ZBTB41: variants seen among roughly 807,000 people sequenced by gnomAD.
ZBTB41 encodes the protein zinc finger and BTB domain containing 41.
In ZBTB41, 42 loss-of-function variants were observed where a neutral mutation model predicts 87.6. That is an observed-to-expected ratio of 0.48 (90% confidence interval 0.37 to 0.62). The LOEUF (loss-of-function observed/expected upper bound fraction) is 0.62, where lower values mean the gene tolerates loss of function less well. ZBTB41 is among the 20% of genes least tolerant of loss of function. The probability of loss-of-function intolerance (pLI) is 0.00; values close to 1 mark genes in which losing one functional copy is unlikely to be tolerated. For synonymous variants in ZBTB41, 364 were observed against 364.0 expected (o/e 1.00, Z 0.00); for missense variants, 799 against 1,078.9 (o/e 0.74, Z 3.63).
At chr1:197,189,957 C>T (rs1659986096) in intron 4 of ZBTB41, among the ~76,000 whole-genome samples, 3 of 152,098 alleles carry the variant, frequency 2.0e-5, no homozygotes, top group African/African-American at 2.4e-5. Flanking sequence ...CTGGCTCTGT[C>T]GCCCAGGCTG....
intron 5 of ZBTB41, among the ~76,000 whole-genome samples, chr1:197,182,517 TCCTC>T (rs1466900044): frequency 6.6e-6 from 1 of 152,002 alleles, no homozygotes; most frequent in Non-Finnish European, 1.5e-5. Context: ...GCTCAAGTGA[TCCTC>T]CCACCTGTCT....
intron 5 of ZBTB41, among the ~76,000 whole-genome samples, chr1:197,187,511 T>C (rs58937239): frequency 0.014 from 2,098 of 152,330 alleles, 44 homozygotes; most frequent in African/African-American, 0.048. Flanking sequence ...GATTACTTAA[T>C]ACTAATACAA....
chr1:197,173,167 G>T (rs985468674), intron 9 of ZBTB41, among the ~76,000 whole-genome samples: 1 of 152,024 alleles, frequency 6.6e-6, no homozygotes, highest in African/African-American at 2.4e-5. Context: ...TGAATACATG[G>T]CAAAATAATT....
chr1:197,160,978 T>C (rs1659187582), intron 10 of ZBTB41, among the ~76,000 whole-genome samples: 1 of 152,110 alleles, frequency 6.6e-6, no homozygotes, highest in South Asian at 2.1e-4. Context: ...CTGCGGCCAC[T>C]ATAAGATGTG....
chr1:197,157,247 T>A lies in ZBTB41; in HGVS notation c.*2112A>T, dbSNP rs951541781. On this transcript the variant is annotated 3_prime_UTR_variant, in exon 11 of 11. Coordinates refer to ENST00000367405, the MANE Select transcript of ZBTB41 (RefSeq NM_194314.3). ...TAAATACCTTCAAAAATCAAAGTAT[T>A]CTTTTCAATGTGAAAATGCAGTATC... 2 of 152,082 alleles carry A rather than the reference T, an allele frequency of 1.3e-5. No individual in the cohort carries two copies. Among genetic ancestry groups the A allele is most frequent in the African/African-American group, 4.8e-5 (2 of 41,402 alleles). The allele number at this position is 152,082 out of a possible 1,614,324, so 9.4% of individuals were successfully genotyped here.
chr1:197,178,636 A>T (rs1209328958), intron 6 of ZBTB41, 124 bp from the exon 7 acceptor site: 1 of 591,092 alleles, frequency 1.7e-6, no homozygotes, highest in Non-Finnish European at 2.7e-6. Flanking sequence ...CCTCTTTCTT[A>T]CAATAATTTT....
At chr1:197,167,874 C>G (rs1281112919) in intron 10 of ZBTB41, among the ~76,000 whole-genome samples, 1 of 151,790 alleles carries the variant, frequency 6.6e-6, no homozygotes, top group Non-Finnish European at 1.5e-5. Context: ...GAGATGTGAC[C>G]AAAGCAATAA....
intron 4 of ZBTB41, 92 bp from the exon 5 acceptor site, chr1:197,188,531 T>G: frequency 8.3e-7 from 1 of 1,199,594 alleles, no homozygotes; most frequent in Non-Finnish European, 1.1e-6. Context: ...ATAAATTCAA[T>G]AAAGAGACTT....
intron 2 of ZBTB41, among the ~76,000 whole-genome samples, chr1:197,195,663 A>G (rs1553232872): frequency 6.6e-6 from 1 of 152,162 alleles, no homozygotes; most frequent in Non-Finnish European, 1.5e-5. Context: ...CTAATGAAAG[A>G]TTTTAGTTCT....
At chr1:197,174,955 T>C (rs1225378311) in intron 9 of ZBTB41, 55 bp downstream of exon 9, 1 of 1,436,724 alleles carries the variant, frequency 7.0e-7, no homozygotes, top group Non-Finnish European at 9.6e-7. Context: ...AAGTTACAAC[T>C]TTCCTCAGAG....
intron 10 of ZBTB41, among the ~76,000 whole-genome samples, chr1:197,165,279 AT>A (rs1442658284): frequency 6.6e-6 from 1 of 151,982 alleles, no homozygotes; most frequent in Admixed American, 6.6e-5. Context: ...ATTAGAAAAT[AT>A]TTTTAACTGA....
Position 197,200,604 on chromosome 1 carries a change from A to T in ZBTB41, c.-117-14T>A. The T allele has an allele frequency of 5.1e-6, 4 of 778,208 alleles. No individual in the cohort carries two copies. The highest frequency in any genetic ancestry group is 5.7e-6 in the Non-Finnish European group (3 of 522,714). 48.2% of individuals were successfully genotyped at this position (778,208 alleles called of 1,614,324 possible). ...GGGTTTCATGGTCTGCAAAAGAGTG[A>T]GAACCACGTAAAATAACTCCATGGC... On this transcript the variant is annotated splice_polypyrimidine_tract_variant and intron_variant, in intron 1 of 10. Transcript: ENST00000367405.
chr1:197,183,510 T>C (rs1659808154), intron 5 of ZBTB41, among the ~76,000 whole-genome samples: 1 of 152,194 alleles, frequency 6.6e-6, no homozygotes, highest in Admixed American at 6.5e-5. Flanking sequence ...ACCCAGTAAA[T>C]GTCAACTCTT....
chr1:197,195,070 A>G (rs955403599), intron 2 of ZBTB41, among the ~76,000 whole-genome samples: 7 of 152,200 alleles, frequency 4.6e-5, no homozygotes, highest in Non-Finnish European at 7.3e-5. Flanking sequence ...CTGTTTCTCT[A>G]CTTTCATGGA....
At chr1:197,169,768 G>C (rs114710862) in intron 10 of ZBTB41, among the ~76,000 whole-genome samples, 11 of 152,038 alleles carry the variant, frequency 7.2e-5, no homozygotes, top group South Asian at 4.1e-4. Flanking sequence ...TTAAAATCAA[G>C]TCCTAAATTT....
rs1177649396 is a variant in ZBTB41 at position 197,158,627 on chromosome 1, A to C, written c.*732T>G. On this transcript the variant is annotated 3_prime_UTR_variant, in exon 11 of 11. Transcript: ENST00000367405. ...CATATTTTTCTTGTAACACATTTTCAGTTTGTATAATTTAATGCCCAGACC... is the reference window on the plus strand; with the variant it reads ...CATATTTTTCTTGTAACACATTTTCCGTTTGTATAATTTAATGCCCAGACC... The C allele has an allele frequency of 2.0e-5, 3 of 152,036 alleles. No homozygotes were observed. Among genetic ancestry groups the C allele is most frequent in the Non-Finnish European group, 4.4e-5 (3 of 67,916 alleles). The allele number at this position is 152,036 out of a possible 1,614,324, so 9.4% of individuals were successfully genotyped here.
At chr1:197,193,683 A>G (rs967835518) in intron 2 of ZBTB41, among the ~76,000 whole-genome samples, 1 of 152,132 alleles carries the variant, frequency 6.6e-6, no homozygotes, top group Non-Finnish European at 1.5e-5. Context: ...TTACACATAC[A>G]TGTACACATC....
At chr1:197,194,601 G>C (rs1295504842) in intron 2 of ZBTB41, among the ~76,000 whole-genome samples, 1 of 101,702 alleles carries the variant, frequency 9.8e-6, no homozygotes, top group Admixed American at 1.2e-4. Flanking sequence ...GACCAGGAGA[G>C]ATAAAGATTT....
At chr1:197,185,845 C>T (rs939862412) in intron 5 of ZBTB41, among the ~76,000 whole-genome samples, 5 of 151,902 alleles carry the variant, frequency 3.3e-5, no homozygotes, top group African/African-American at 1.2e-4. Context: ...CAAAGAAAAA[C>T]GAAATAAATG....
Sources: gnomAD v4.1 joint callset for allele counts (sites outside exome capture counted in the v4.1 genomes callset) on GRCh38, gnomAD v4.1.1 for gene constraint, MANE v1.5 for transcripts, NCBI Gene and HGNC (gene_info 2026-07-23, HGNC 2026-07-21) for gene names.